SLC35E3: variants seen among roughly 807,000 people sequenced by gnomAD.
SLC35E3 encodes the protein solute carrier family 35 member E3.
Under a neutral mutation model 30.8 loss-of-function variants are expected in SLC35E3, and 28 were observed. The observed-to-expected ratio is 0.91, with a 90% CI of 0.67 to 1.25. The LOEUF is 1.25. SLC35E3 is among the 50% of genes most tolerant of loss of function. The pLI is 0.00. For synonymous variants in SLC35E3, 146 were observed against 149.2 expected (o/e 0.98, Z 0.16); for missense variants, 365 against 375.4 (o/e 0.97, Z 0.23).
chr12:68,779,618 A>C lies in SLC35E3; in HGVS notation c.*14728A>C, dbSNP rs890550161. 3.3e-5 allele frequency: 5 copies of C among 152,254 alleles called. No individual in the cohort carries two copies. Among genetic ancestry groups the C allele is most frequent in the African/African-American group, 1.2e-4 (5 of 41,468 alleles). The allele number at this position is 152,254 out of a possible 1,614,324, so 9.4% of individuals were successfully genotyped here. A position where few individuals can be genotyped will look rare whatever the true frequency, so the allele number is the denominator to read the frequency against. On this transcript the variant is annotated 3_prime_UTR_variant, in exon 5 of 5. Coordinates refer to ENST00000398004, the MANE Select transcript of SLC35E3 (RefSeq NM_018656.5). Reference sequence around the variant, plus strand: ...ATTTGCAAAACTTCACAGGAAAGTTAAATGAATGAATGAATAAAATGTGAT... The same window carrying C: ...ATTTGCAAAACTTCACAGGAAAGTTCAATGAATGAATGAATAAAATGTGAT...
At position 68,770,196 on chromosome 12, in the gene SLC35E3, G is replaced by A. The variant is rs1243369452; in HGVS notation, c.*5306G>A. 6.6e-6 allele frequency: 1 copy of A among 152,254 alleles called. No individual in the cohort carries two copies. Among genetic ancestry groups the A allele is most frequent in the Non-Finnish European group, 1.5e-5 (1 of 68,120 alleles). 9.4% of individuals were successfully genotyped at this position (152,254 alleles called of 1,614,324 possible). A position where few individuals can be genotyped will look rare whatever the true frequency, so the allele number is the denominator to read the frequency against. ...GCTTTTAAAGAACTGTAAAAAGGAT[G>A]GAGTCTGGAGACTAAATTTGGGAGT... On this transcript the variant is annotated 3_prime_UTR_variant, in exon 5 of 5. Transcript: ENST00000398004.
rs1879644259 is a variant in SLC35E3 at position 68,772,855 on chromosome 12, C to T, written c.*7965C>T. The T allele has an allele frequency of 6.6e-6, 1 of 152,136 alleles. No homozygotes were observed. Among genetic ancestry groups the T allele is most frequent in the Non-Finnish European group, 1.5e-5 (1 of 68,042 alleles). The allele number at this position is 152,136 out of a possible 1,614,324, so 9.4% of individuals were successfully genotyped here. ...TCAGTTTCCTGTTTTCTCAATTTCT[C>T]AGTTTAAAATTAGAGCCCTATGGCA... On this transcript the variant is annotated 3_prime_UTR_variant, in exon 5 of 5. Coordinates refer to ENST00000398004, the MANE Select transcript of SLC35E3 (RefSeq NM_018656.5).
chr12:68,753,792 C>T (rs1182032823), intron 3 of SLC35E3, among the ~76,000 whole-genome samples: 8 of 125,442 alleles, frequency 6.4e-5, no homozygotes, highest in Non-Finnish European at 1.3e-4. Flanking sequence ...TATTTTTCTC[C>T]ATGCCGTATA....
chr12:68,747,267 T>TG (rs1486471019), intron 1 of SLC35E3, among the ~76,000 whole-genome samples: 1 of 82,340 alleles, frequency 1.2e-5, no homozygotes, highest in Non-Finnish European at 2.8e-5. Flanking sequence ...GGTCTTTTTC[T>TG]TTTTTTTTTT....
rs969506730 is a variant in SLC35E3 at position 68,765,435 on chromosome 12, T to C, written c.*545T>C. On this transcript the variant is annotated 3_prime_UTR_variant, in exon 5 of 5. Coordinates refer to ENST00000398004, the MANE Select transcript of SLC35E3 (RefSeq NM_018656.5). ...AAATGATTGTATAAAATGTATGGAA[T>C]GGTTAGCCTGGTGTGGTGGTGCACA... The C allele has an allele frequency of 6.6e-6, 1 of 151,292 alleles. No individual in the cohort carries two copies. Among genetic ancestry groups the C allele is most frequent in the African/African-American group, 2.4e-5 (1 of 41,102 alleles). The allele number at this position is 151,292 out of a possible 1,614,324, so 9.4% of individuals were successfully genotyped here.
At chr12:68,749,761 CTG>C (rs1241219796) in intron 2 of SLC35E3, among the ~76,000 whole-genome samples, 2 of 152,170 alleles carry the variant, frequency 1.3e-5, no homozygotes, top group African/African-American at 4.8e-5. Context: ...GTGTGAAAGT[CTG>C]GAGCATTTTT....
In SLC35E3 at chr12:68,777,333, ACAT is replaced by A. The variant is rs1023037477; in HGVS notation, c.*12447_*12449del. ...ACAGTGCTATTCTTCTGAAATCATA[ACAT>A]CATGAGGACATCCACTGCTTGTACT... On this transcript the variant is annotated 3_prime_UTR_variant, in exon 5 of 5. Transcript: ENST00000398004. 1.4e-4 allele frequency: 21 copies of A among 152,260 alleles called. No individual in the cohort carries two copies. The highest frequency in any genetic ancestry group is 4.6e-4 in the African/African-American group (19 of 41,542). The allele number at this position is 152,260 out of a possible 1,614,324, so 9.4% of individuals were successfully genotyped here. A position where few individuals can be genotyped will look rare whatever the true frequency, so the allele number is the denominator to read the frequency against.
chr12:68,746,329 A>C lies in SLC35E3; in HGVS notation c.-49A>C. 6.6e-7 allele frequency: 1 copy of C among 1,518,582 alleles called. No homozygotes were observed. The highest frequency in any genetic ancestry group is 8.8e-7 in the Non-Finnish European group (1 of 1,137,558). 94.1% of individuals were successfully genotyped at this position (1,518,582 alleles called of 1,614,324 possible). On this transcript the variant is annotated 5_prime_UTR_variant, in exon 1 of 5. Transcript: ENST00000398004. Reference sequence around the variant, plus strand: ...GTGGAGTAGAAGGGCAGCCGGAGACAGGCCCGGCGCCCCTTCCGAGGCTAG... The same window carrying C: ...GTGGAGTAGAAGGGCAGCCGGAGACCGGCCCGGCGCCCCTTCCGAGGCTAG...
At chr12:68,751,014 G>A (rs1322209807) in intron 2 of SLC35E3, among the ~76,000 whole-genome samples, 1 of 152,084 alleles carries the variant, frequency 6.6e-6, no homozygotes, top group East Asian at 1.9e-4. Flanking sequence ...TATTTGTGAA[G>A]TATTTTGTGG....
Position 68,776,214 on chromosome 12 carries a change from A to C in SLC35E3, c.*11324A>C, listed in dbSNP as rs1879741213. ...GACAAGAGCAAAACTCTGTCTCACA[A>C]AAAAAAAAAAAAGGCCAGGCATGAT... is the stretch of plus-strand genomic sequence containing the variant. On this transcript the variant is annotated 3_prime_UTR_variant, in exon 5 of 5. Coordinates refer to ENST00000398004, the MANE Select transcript of SLC35E3 (RefSeq NM_018656.5). 7.5e-6 allele frequency: 1 copy of C among 133,330 alleles called. No individual in the cohort carries two copies. Among genetic ancestry groups the C allele is most frequent in the African/African-American group, 2.8e-5 (1 of 35,122 alleles). The allele number at this position is 133,330 out of a possible 1,614,324, so 8.3% of individuals were successfully genotyped here.
intron 1 of SLC35E3, 64 bp from the exon 2 acceptor site, chr12:68,747,866 A>G: frequency 2.5e-6 from 2 of 791,806 alleles, no homozygotes; most frequent in Non-Finnish European, 4.4e-6. Context: ...ACATTGTGAA[A>G]GGAATACTAA....
In SLC35E3 at chr12:68,776,512, C is replaced by CAA. The variant is rs747436123; in HGVS notation, c.*11634_*11635dup. 8 of 124,160 alleles carry CAA rather than the reference C, an allele frequency of 6.4e-5. No homozygotes were observed. Among genetic ancestry groups the CAA allele is most frequent in the South Asian group, 2.5e-4 (1 of 3,958 alleles). The allele number at this position is 124,160 out of a possible 1,614,324, so 7.7% of individuals were successfully genotyped here. On this transcript the variant is annotated 3_prime_UTR_variant, in exon 5 of 5. Coordinates refer to ENST00000398004, the MANE Select transcript of SLC35E3 (RefSeq NM_018656.5). ...TGGGAGACAGAGTGAGACTCCGTCT[C>CAA]AAAAAAAAAAAAAGAAAAGAAAAAT...
chr12:68,754,860 G>A (rs1321877708), intron 3 of SLC35E3, among the ~76,000 whole-genome samples: 1 of 152,150 alleles, frequency 6.6e-6, no homozygotes, highest in Non-Finnish European at 1.5e-5. Flanking sequence ...CTCCCAAGCA[G>A]CTAGGACTAA....
At position 68,773,773 on chromosome 12, in the gene SLC35E3, G is replaced by A. The variant is rs1879666647; in HGVS notation, c.*8883G>A. The A allele has an allele frequency of 6.6e-6, 1 of 152,088 alleles. No homozygotes were observed. Among genetic ancestry groups the A allele is most frequent in the Admixed American group, 6.6e-5 (1 of 15,240 alleles). 9.4% of individuals were successfully genotyped at this position (152,088 alleles called of 1,614,324 possible). On this transcript the variant is annotated 3_prime_UTR_variant, in exon 5 of 5. Coordinates refer to ENST00000398004, the MANE Select transcript of SLC35E3 (RefSeq NM_018656.5). Reference sequence around the variant, plus strand: ...ATGGTGTGACTCATTGACCATATTTGTTAGGATCAGCATTTTTATATGATT... The same window carrying A: ...ATGGTGTGACTCATTGACCATATTTATTAGGATCAGCATTTTTATATGATT...
rs1032040244 is a variant in SLC35E3, at chr12:68,770,470, A to G, written c.*5580A>G. 2.6e-5 allele frequency: 4 copies of G among 152,498 alleles called. No individual in the cohort carries two copies. Among genetic ancestry groups the G allele is most frequent in the African/African-American group, 9.7e-5 (4 of 41,448 alleles). 9.4% of individuals were successfully genotyped at this position (152,498 alleles called of 1,614,324 possible). Reference sequence around the variant, plus strand: ...TAGTGGAATGAGATAAGTGGAAATAATTGAGTAGCTGGAGTCAACTGGACT... The same window carrying G: ...TAGTGGAATGAGATAAGTGGAAATAGTTGAGTAGCTGGAGTCAACTGGACT... On this transcript the variant is annotated 3_prime_UTR_variant, in exon 5 of 5. Transcript: ENST00000398004.
intron 3 of SLC35E3, among the ~76,000 whole-genome samples, chr12:68,758,554 T>C (rs1360854774): frequency 1.3e-5 from 2 of 152,118 alleles, no homozygotes; most frequent in Non-Finnish European, 2.9e-5. Context: ...TGCATATGTA[T>C]ACTTTTTCTT....
chr12:68,755,790 G>A (rs1326086707), intron 3 of SLC35E3, among the ~76,000 whole-genome samples: 1 of 152,138 alleles, frequency 6.6e-6, no homozygotes, highest in Non-Finnish European at 1.5e-5. Context: ...CCTGGGGAGG[G>A]CACCAAGCCA....
rs1565722359 is a variant in SLC35E3 at position 68,775,947 on chromosome 12, T to TCA, written c.*11058_*11059dup. ...TGGGTGACAAGAGCGAAACTCTGTC[T>TCA]CAAAAAAAAAAAAAAAAAAAAAAAA... is the stretch of plus-strand genomic sequence containing the variant. On this transcript the variant is annotated 3_prime_UTR_variant, in exon 5 of 5. Coordinates refer to ENST00000398004, the MANE Select transcript of SLC35E3 (RefSeq NM_018656.5). The TCA allele has an allele frequency of 6.9e-5, 1 of 14,408 alleles. No homozygotes were observed. The allele number at this position is 14,408 out of a possible 1,614,324, so 0.9% of individuals were successfully genotyped here.
intron 2 of SLC35E3, among the ~76,000 whole-genome samples, chr12:68,748,479 C>A (rs1370349534): frequency 2.6e-5 from 4 of 151,998 alleles, no homozygotes; most frequent in Non-Finnish European, 5.9e-5. Flanking sequence ...ACTGCTGTTA[C>A]AACTTGTTTA....
Sources: allele counts gnomAD v4.1 joint callset (sites outside exome capture counted in the v4.1 genomes callset), GRCh38; gene constraint gnomAD v4.1.1; transcripts MANE v1.5; gene names NCBI Gene and HGNC (gene_info 2026-07-23, HGNC 2026-07-21).